The following MXD1 variants were observed in gnomAD, a reference collection of about 807,000 sequenced individuals.
The protein encoded by MXD1 is MAX dimerization protein 1.
MXD1 carries 9 observed loss-of-function variants against 25.7 expected under a neutral mutation model. The observed-to-expected ratio is 0.35, with a 90% CI of 0.21 to 0.61. The LOEUF is 0.61. MXD1 is among the 20% of genes least tolerant of loss of function. MXD1 has a pLI of 0.75. For missense variants in MXD1, 227 were observed against 292.4 expected (o/e 0.78, Z 1.63); for synonymous variants, 99 against 113.9 (o/e 0.87, Z 0.83).
In MXD1 at chr2:69,941,599, C is replaced by T. The variant is rs149604908; in HGVS notation, c.*3315C>T. 270 of 152,230 alleles carry T rather than the reference C, an allele frequency of 1.8e-3. No homozygotes were observed. Among genetic ancestry groups the T allele is most frequent in the African/African-American group, 6.0e-3 (248 of 41,534 alleles). 9.4% of individuals were successfully genotyped at this position (152,230 alleles called of 1,614,324 possible). A position where few individuals can be genotyped will look rare whatever the true frequency, so the allele number is the denominator to read the frequency against. ...TTTTGTTTTTATTTTTTAAGGTGGG[C>T]ATTTTCCTTTAACCTCTACTTTTTC... is the stretch of plus-strand genomic sequence containing the variant. On this transcript the variant is annotated 3_prime_UTR_variant, in exon 6 of 6. Transcript: ENST00000264444.
At chr2:69,932,472 G>A (rs1045435529) in intron 3 of MXD1, among the ~76,000 whole-genome samples, 2 of 152,200 alleles carry the variant, frequency 1.3e-5, no homozygotes, top group African/African-American at 4.8e-5. Context: ...TGAGGCGCCG[G>A]AGAAGGCCAA....
At chr2:69,937,906 A>G (rs559056367) in intron 5 of MXD1, among the ~76,000 whole-genome samples, 191 bp from the exon 6 acceptor site, 5 of 151,802 alleles carry the variant, frequency 3.3e-5, no homozygotes, top group Non-Finnish European at 7.4e-5. Flanking sequence ...GAGCCACCAC[A>G]CCCAGCCAAA....
chr2:69,917,681 TG>T (rs1458054762), intron 2 of MXD1, among the ~76,000 whole-genome samples: 3 of 152,158 alleles, frequency 2.0e-5, no homozygotes, highest in Admixed American at 6.5e-5. Context: ...TTGTAGGGGA[TG>T]TTCACTAGTG....
Position 69,942,038 on chromosome 2 carries a change from C to T in MXD1, c.*3754C>T, listed in dbSNP as rs1423893163. ...GGAGACTTTAACATCCTGGTCTTTT[C>T]TGTTTCTTCTTTGTTTCCCCAAGTT... is the stretch of plus-strand genomic sequence containing the variant. On this transcript the variant is annotated 3_prime_UTR_variant, in exon 6 of 6. Coordinates refer to ENST00000264444, the MANE Select transcript of MXD1 (RefSeq NM_002357.4). 2 of 152,076 alleles carry T rather than the reference C, an allele frequency of 1.3e-5. No individual in the cohort carries two copies. The highest frequency in any genetic ancestry group is 3.9e-4 in the East Asian group (2 of 5,188). 9.4% of individuals were successfully genotyped at this position (152,076 alleles called of 1,614,324 possible).
rs778069948 is a variant in MXD1, at chr2:69,938,324, T to C, written c.*40T>C. On this transcript the variant is annotated 3_prime_UTR_variant, in exon 6 of 6. Transcript: ENST00000264444. ...CGGCTGTCTCCTTGAAGGTTCTCCC[T>C]GTTGGTTCTGATTAGGTAACGTATT... The C allele has an allele frequency of 5.0e-6, 8 of 1,603,060 alleles. No individual in the cohort carries two copies. The East Asian group carries it at 6.7e-5, about 13-fold the overall frequency.
At chr2:69,924,431 A>G (rs1282954543) in intron 3 of MXD1, among the ~76,000 whole-genome samples, 2 of 152,206 alleles carry the variant, frequency 1.3e-5, no homozygotes, top group African/African-American at 4.8e-5. Flanking sequence ...AACAGAACAG[A>G]AGGAAAATCA....
intron 3 of MXD1, among the ~76,000 whole-genome samples, chr2:69,929,188 C>T (rs1056312118): frequency 6.6e-6 from 1 of 152,208 alleles, no homozygotes; most frequent in African/African-American, 2.4e-5. Context: ...CCACTGCGCC[C>T]GGCCCAGCCT....
At chr2:69,916,309 C>A (rs1573397887) in intron 2 of MXD1, 89 bp downstream of exon 2, 2 of 790,858 alleles carry the variant, frequency 2.5e-6, no homozygotes, top group Non-Finnish European at 4.2e-6. Context: ...GTGATTATAA[C>A]CCTATAAAAT....
intron 3 of MXD1, among the ~76,000 whole-genome samples, chr2:69,930,213 A>G (rs1677253432): frequency 6.6e-6 from 1 of 151,866 alleles, no homozygotes; most frequent in South Asian, 2.1e-4. Flanking sequence ...ATCCTTCCCA[A>G]CCTGTTTTAA....
chr2:69,917,309 C>G (rs1676980665), intron 2 of MXD1, among the ~76,000 whole-genome samples: 1 of 152,182 alleles, frequency 6.6e-6, no homozygotes, highest in Non-Finnish European at 1.5e-5. Context: ...ATAAAAATGG[C>G]ACTTGAAGGA....
intron 3 of MXD1, among the ~76,000 whole-genome samples, chr2:69,933,055 C>T (rs893775789): frequency 7.3e-5 from 11 of 151,606 alleles, no homozygotes; most frequent in Admixed American, 1.3e-4. Flanking sequence ...AAAAATTAGC[C>T]GGACGTGGTG....
chr2:69,916,200 A>C lies in MXD1; in HGVS notation c.153A>C (p.Lys51Asn), dbSNP rs1176952516. 10 of 1,607,446 alleles carry C rather than the reference A, an allele frequency of 6.2e-6. No individual in the cohort carries two copies. The highest frequency in any genetic ancestry group is 8.5e-6 in the Non-Finnish European group (10 of 1,174,196). The change falls in exon 2 of 6, where the codon AAA (lysine) becomes AAC (asparagine). Residue 51 changes from lysine to asparagine, a missense_variant. By Grantham distance (94) the Lys-to-Asn change is moderately conservative (BLOSUM62 0). Coordinates refer to ENST00000264444, the MANE Select transcript of MXD1 (RefSeq NM_002357.4). ...RDALKRRNKS[K>N]KNNSSSRSTH... The stretch of plus-strand genomic sequence containing the variant: ...CCTTAAAACGGAGGAACAAATCCAA[A>C]AAGAATAACAGCAGTAGCAGGTAAT...
intron 3 of MXD1, among the ~76,000 whole-genome samples, chr2:69,927,407 A>G (rs4852384): frequency 0.036 from 5,449 of 152,314 alleles, 465 homozygotes; most frequent in Admixed American, 0.2. Context: ...CACAGCGATC[A>G]GTGTATAAAT....
At chr2:69,927,040 C>T (rs940019769) in intron 3 of MXD1, among the ~76,000 whole-genome samples, 38 of 152,158 alleles carry the variant, frequency 2.5e-4, no homozygotes, top group African/African-American at 9.2e-4. Flanking sequence ...TGTGTGTGCT[C>T]CATGGGGAAG....
intron 2 of MXD1, among the ~76,000 whole-genome samples, chr2:69,919,126 G>A (rs2104161850): frequency 6.6e-6 from 1 of 152,214 alleles, no homozygotes; most frequent in Middle Eastern, 3.4e-3. Context: ...TTATTTTGGG[G>A]ATTCAGAATT....
chr2:69,926,636 A>AT (rs1270114154), intron 3 of MXD1, among the ~76,000 whole-genome samples: 20 of 152,178 alleles, frequency 1.3e-4, no homozygotes, highest in African/African-American at 4.1e-4. Context: ...GGATTTATAT[A>AT]TTTTTAGATT....
intron 3 of MXD1, among the ~76,000 whole-genome samples, chr2:69,928,772 C>A (rs188192711): frequency 6.6e-6 from 1 of 151,552 alleles, no homozygotes; most frequent in African/African-American, 2.4e-5. Flanking sequence ...ATTGAGTCTG[C>A]GAAGTTGATG....
intron 3 of MXD1, among the ~76,000 whole-genome samples, chr2:69,934,056 C>G (rs1229952434): frequency 2.6e-5 from 4 of 152,206 alleles, no homozygotes; most frequent in Admixed American, 2.6e-4. Context: ...ATAATCCATT[C>G]AGCAAACACT....
rs2104231035 is a variant in MXD1, at chr2:69,942,888, A to ATG, written c.*4606_*4607dup. 1 of 152,362 alleles carries ATG rather than the reference A, an allele frequency of 6.6e-6. No individual in the cohort carries two copies. Among genetic ancestry groups the ATG allele is most frequent in the South Asian group, 2.1e-4 (1 of 4,834 alleles). The allele number at this position is 152,362 out of a possible 1,614,324, so 9.4% of individuals were successfully genotyped here. On this transcript the variant is annotated 3_prime_UTR_variant, in exon 6 of 6. Coordinates refer to ENST00000264444, the MANE Select transcript of MXD1 (RefSeq NM_002357.4). The stretch of plus-strand genomic sequence containing the variant: ...GTTTTAGAGAATCTTTGCTGTGTAT[A>ATG]TGTAAACTGTATTGTTCAACTGTTA...
Sources: allele counts gnomAD v4.1 joint callset (sites outside exome capture counted in the v4.1 genomes callset), GRCh38; gene constraint gnomAD v4.1.1; transcripts MANE v1.5; gene names NCBI Gene and HGNC (gene_info 2026-07-23, HGNC 2026-07-21).